HPSE2: variants seen among roughly 807,000 people sequenced by gnomAD.
HPSE2 encodes the protein inactive heparanase-2.
In HPSE2, 38 loss-of-function variants were observed where a neutral mutation model predicts 60.5. The observed-to-expected ratio is 0.63, with a 90% confidence interval of 0.48 to 0.82. The LOEUF (loss-of-function observed/expected upper bound fraction) is 0.82, where lower values mean the gene tolerates loss of function less well. HPSE2 is among the 40% of genes least tolerant of loss of function. The pLI, the probability that HPSE2 is intolerant of heterozygous loss-of-function variation, is 0.00. For missense variants in HPSE2, 713 were observed against 740.4 expected, an observed-to-expected ratio of 0.96 and a Z score of 0.43; for synonymous variants, 295 against 293.2, an observed-to-expected ratio of 1.01 and a Z score of -0.06.
In HPSE2 at chr10:98,933,473, T is replaced by C. The variant is rs1368959036; in HGVS notation, c.611-189417A>G. On this transcript the variant is annotated intron_variant, in intron 3 of 11. Transcript: ENST00000370552. ...TTCTATAGATATCTATCAGGTCCAC[T>C]TGATTTAGAGCTGAGTTCAAGTCCT... 1.4e-5 allele frequency among the ~76,000 whole-genome samples: 2 copies of C among 144,216 alleles called. 1 individual carries two copies. The highest frequency in any genetic ancestry group is 5.6e-5 in the African/African-American group (2 of 35,514). 94.6% of individuals were successfully genotyped at this position (144,216 alleles called of 152,430 possible). A position where few individuals can be genotyped will look rare whatever the true frequency, so the allele number is the denominator to read the frequency against.
chr10:98,662,408 A>G (rs1317391636), intron 6 of HPSE2, among the ~76,000 whole-genome samples: 1 of 152,262 alleles, frequency 6.6e-6, no homozygotes, highest in East Asian at 1.9e-4. Flanking sequence ...CTTTACAGGA[A>G]CATGGATGGA....
At chr10:98,590,555 G>C (rs1208529779) in intron 9 of HPSE2, among the ~76,000 whole-genome samples, 2 of 152,204 alleles carry the variant, frequency 1.3e-5, no homozygotes, top group Non-Finnish European at 2.9e-5. Flanking sequence ...TGAGAAAAGA[G>C]TTTTGTCTAG....
chr10:99,053,947 G>A (rs1395340396), intron 3 of HPSE2, among the ~76,000 whole-genome samples: 1 of 151,280 alleles, frequency 6.6e-6, no homozygotes, highest in Non-Finnish European at 1.5e-5. Context: ...TGTTGCTCAG[G>A]CTGGTCTCGA....
intron 2 of HPSE2, among the ~76,000 whole-genome samples, chr10:99,189,657 AG>A (rs555547442): frequency 9.3e-4 from 142 of 152,354 alleles, no homozygotes; most frequent in African/African-American, 2.8e-3. Flanking sequence ...ATTTGGCTGC[AG>A]GGTACAGATA....
At position 99,060,658 on chromosome 10, in the gene HPSE2, CAAAAAAAAAAAAAAAAAA is replaced by C. The variant is rs35034456; in HGVS notation, c.610+83562_610+83579del. Among the ~76,000 whole-genome samples, 6 of 47,774 alleles carry C rather than the reference CAAAAAAAAAAAAAAAAAA, an allele frequency of 1.3e-4. No individual in the cohort carries two copies. The Admixed American group carries it at 1.3e-3, about 10-fold the overall frequency. 31.3% of individuals were successfully genotyped at this position (47,774 alleles called of 152,430 possible). A position where few individuals can be genotyped will look rare whatever the true frequency, so the allele number is the denominator to read the frequency against. ...GGGCAATAAGAGCGAAACTCTGTCT[CAAAAAAAAAAAAAAAAAA>C]AAAAAAAAGGTGAGCAATCTAAGTG... On this transcript the variant is annotated intron_variant, in intron 3 of 11. Transcript: ENST00000370552.
the HPSE2 span, among the ~76,000 whole-genome samples, chr10:99,258,399 A>C: frequency 1.7e-4 from 26 of 151,884 alleles, no homozygotes; most frequent in African/African-American, 6.0e-4. Flanking sequence ...TAATATATAT[A>C]TATATATATA....
At chr10:98,749,733 C>A (rs966084238) in intron 3 of HPSE2, among the ~76,000 whole-genome samples, 2 of 150,566 alleles carry the variant, frequency 1.3e-5, no homozygotes, top group African/African-American at 4.9e-5. Context: ...TTTTGCCCAA[C>A]AGTAGGCTGA....
chr10:98,643,458 G>A (rs1270262807), intron 6 of HPSE2, among the ~76,000 whole-genome samples: 1 of 152,130 alleles, frequency 6.6e-6, no homozygotes, highest in Admixed American at 6.5e-5. Context: ...TTTCTGTGCT[G>A]GGGGTACATG....
chr10:98,578,669 C>T (rs3866907), intron 9 of HPSE2, among the ~76,000 whole-genome samples: 85,779 of 152,036 alleles, frequency 0.56, 24,428 homozygotes, highest in Middle Eastern at 0.64. Flanking sequence ...TAACAGATTC[C>T]TTGGCCAAAG....
chr10:99,296,469 C>T, the HPSE2 span, among the ~76,000 whole-genome samples: 1 of 152,200 alleles, frequency 6.6e-6, no homozygotes, highest in African/African-American at 2.4e-5. Flanking sequence ...CCTTAATCTA[C>T]ATGCAATTAA....
At chr10:98,960,741 T>TTTTTTTTTTTTTTA (rs1955651715) in intron 3 of HPSE2, among the ~76,000 whole-genome samples, 3 of 15,224 alleles carry the variant, frequency 2.0e-4, no homozygotes, top group Admixed American at 6.0e-4. Flanking sequence ...TTTTATTTTA[T>TTTTTTTTTTTTTTA]TTTTTTTTTT....
At chr10:98,944,122 TAAG>T (rs1955107525) in intron 3 of HPSE2, among the ~76,000 whole-genome samples, 1 of 152,176 alleles carries the variant, frequency 6.6e-6, no homozygotes, top group African/African-American at 2.4e-5. Context: ...CCAAATAGTT[TAAG>T]AACAAGAAGG....
intron 3 of HPSE2, among the ~76,000 whole-genome samples, chr10:99,084,024 C>A (rs947355748): frequency 8.7e-6 from 1 of 115,378 alleles, no homozygotes; most frequent in Non-Finnish European, 1.7e-5. Context: ...TCCCAAGAGT[C>A]ATTTCAGACT....
intron 3 of HPSE2, among the ~76,000 whole-genome samples, chr10:99,079,785 T>C (rs1432088857): frequency 6.6e-6 from 1 of 151,996 alleles, no homozygotes; most frequent in Non-Finnish European, 1.5e-5. Context: ...GTTGGGGGCA[T>C]GGGCTATAGT....
chr10:98,858,794 G>A (rs1042569724), intron 3 of HPSE2, among the ~76,000 whole-genome samples: 2 of 152,194 alleles, frequency 1.3e-5, no homozygotes, highest in African/African-American at 4.8e-5. Flanking sequence ...CTTACCAACA[G>A]GTTGTATTTT....
intron 6 of HPSE2, among the ~76,000 whole-genome samples, chr10:98,668,793 T>G (rs191330946): frequency 6.6e-6 from 1 of 152,272 alleles, no homozygotes; most frequent in East Asian, 1.9e-4. Context: ...CCTCAAACTA[T>G]AAAAGTCCTA....
At chr10:98,625,112 A>G (rs1338184941) in intron 7 of HPSE2, among the ~76,000 whole-genome samples, 1 of 152,258 alleles carries the variant, frequency 6.6e-6, no homozygotes, top group Non-Finnish European at 1.5e-5. Flanking sequence ...GTGTAACACA[A>G]AGAAGTTAAT....
intron 9 of HPSE2, among the ~76,000 whole-genome samples, chr10:98,605,079 C>T (rs925383497): frequency 1.3e-5 from 2 of 152,176 alleles, no homozygotes; most frequent in Admixed American, 6.5e-5. Flanking sequence ...CGTCTTGTTG[C>T]ACAGTCTTTC....
chr10:98,626,676 A>G (rs948246382), intron 7 of HPSE2, among the ~76,000 whole-genome samples: 1 of 152,198 alleles, frequency 6.6e-6, no homozygotes, highest in Non-Finnish European at 1.5e-5. Flanking sequence ...TTATAATAAA[A>G]TGATGTTAAA....
Sources: allele counts gnomAD v4.1 joint callset (sites outside exome capture counted in the v4.1 genomes callset), GRCh38; gene constraint gnomAD v4.1.1; transcripts MANE v1.5; gene names NCBI Gene and HGNC (gene_info 2026-07-23, HGNC 2026-07-21).